Variants in UBE2E1 observed in about 807,000 individuals in gnomAD.
The protein encoded by UBE2E1 is ubiquitin conjugating enzyme E2 E1.
Under a neutral mutation model 21.4 loss-of-function variants are expected in UBE2E1, and 6 were observed. The observed-to-expected ratio is 0.28, with a 90% CI of 0.15 to 0.55. The LOEUF (loss-of-function observed/expected upper bound fraction) is 0.55. UBE2E1 is among the 20% of genes least tolerant of loss of function. The pLI, the probability that UBE2E1 is intolerant of heterozygous loss-of-function variation, is 0.93. For missense variants in UBE2E1, 142 were observed against 236.5 expected (o/e 0.60, Z 2.62); for synonymous variants, 87 against 82.7 (o/e 1.05, Z -0.28).
intron 3 of UBE2E1, chr3:23,879,430 AGTGTGGAAAGAC>A: frequency 2.3e-6 from 1 of 436,774 alleles, no homozygotes; most frequent in Non-Finnish European, 4.6e-6. Flanking sequence ...CCAGGAAAAC[AGTGTGGAAAGAC>A]TGAAATGAAG....
At chr3:23,879,571 C>T (rs4858552) in intron 3 of UBE2E1, 164,789 of 285,906 alleles carry the variant, frequency 0.58, 48,971 homozygotes, top group Non-Finnish European at 0.65. Flanking sequence ...CGTAGGTGAT[C>T]CAGCTATAAG....
chr3:23,824,011 A>G (rs527578950), intron 3 of UBE2E1, among the ~76,000 whole-genome samples: 3 of 152,370 alleles, frequency 2.0e-5, no homozygotes, highest in African/African-American at 7.2e-5. Flanking sequence ...GACCAGTCCT[A>G]AAGTAAATCA....
At chr3:23,857,896 C>T (rs907532112) in intron 3 of UBE2E1, among the ~76,000 whole-genome samples, 1 of 152,202 alleles carries the variant, frequency 6.6e-6, no homozygotes, top group African/African-American at 2.4e-5. Flanking sequence ...GTTGCCCAGG[C>T]TGGAGTGCAG....
intron 3 of UBE2E1, among the ~76,000 whole-genome samples, chr3:23,847,348 A>T (rs1405879599): frequency 6.6e-6 from 1 of 152,192 alleles, no homozygotes; most frequent in African/African-American, 2.4e-5. Flanking sequence ...AGCATTTTCA[A>T]AGAAAAAAGG....
At chr3:23,889,528 CT>C (rs35718655) in intron 5 of UBE2E1, 106 of 1,369,526 alleles carry the variant, frequency 7.7e-5, no homozygotes, top group East Asian at 3.0e-4. Context: ...ATTCTTCCTC[CT>C]TTTTTTTTCC....
rs776563677 is a variant in UBE2E1 at position 23,807,355 on chromosome 3, C to G, written c.86C>G (p.Pro29Arg). The change falls in exon 2 of 6, where the codon CCC (proline) becomes CGC (arginine). Residue 29 changes from proline (P) to arginine (R), a missense_variant. Transcript: ENST00000306627. ...NQQTEKETNT[P>R]KKKESKVSMS... Reference sequence around the variant, plus strand: ...CAAACCGAGAAAGAAACAAACACCCCCAAGAAGAAGGAGAGTAAAGTCAGC... The same window carrying G: ...CAAACCGAGAAAGAAACAAACACCCGCAAGAAGAAGGAGAGTAAAGTCAGC... 52 of 1,613,772 alleles carry G rather than the reference C, an allele frequency of 3.2e-5. 1 individual carries two copies. In the South Asian group the frequency reaches 4.3e-4, roughly 13 times the overall value.
chr3:23,813,898 T>G lies in UBE2E1; in HGVS notation c.203+2388T>G, dbSNP rs541184357. 4.6e-5 allele frequency among the ~76,000 whole-genome samples: 7 copies of G among 152,302 alleles called. No individual in the cohort carries two copies. The East Asian group carries it at 1.3e-3, about 29-fold the overall frequency. Reference sequence around the variant, plus strand: ...AAAATCTATGAATTAAGTGATATATTAAGTGCGTACATGTTTAAAATTACC... The same window carrying G: ...AAAATCTATGAATTAAGTGATATATGAAGTGCGTACATGTTTAAAATTACC... On this transcript the variant is annotated intron_variant, in intron 3 of 5. Transcript: ENST00000306627.
intron 3 of UBE2E1, among the ~76,000 whole-genome samples, chr3:23,843,974 C>T (rs899345334): frequency 6.6e-5 from 10 of 152,254 alleles, no homozygotes; most frequent in South Asian, 2.1e-4. Context: ...ACTGACTTAA[C>T]GATATCTTCT....
Position 23,871,734 on chromosome 3 carries a change from G to A in UBE2E1, c.204-15833G>A, listed in dbSNP as rs538266939. Among the ~76,000 whole-genome samples the A allele has an allele frequency of 5.2e-3, 792 of 151,900 alleles. 6 individuals carry two copies. Among genetic ancestry groups the A allele is most frequent in the African/African-American group, 0.018 (746 of 41,432 alleles). On this transcript the variant is annotated intron_variant, in intron 3 of 5. Transcript: ENST00000306627. Reference sequence around the variant, plus strand: ...TAGAGGTGCTCCTCACATCCCAGACGGGGCGGCGGGGCAAAGGCGCTCCCC... The same window carrying A: ...TAGAGGTGCTCCTCACATCCCAGACAGGGCGGCGGGGCAAAGGCGCTCCCC...
Position 23,889,798 on chromosome 3 carries a change from C to T in UBE2E1, c.484+539C>T, listed in dbSNP as rs1701315853. 4 of 981,380 alleles carry T rather than the reference C, an allele frequency of 4.1e-6. 1 individual carries two copies. The South Asian group carries it at 1.9e-4, about 46-fold the overall frequency. 60.8% of individuals were successfully genotyped at this position (981,380 alleles called of 1,614,324 possible). A position where few individuals can be genotyped will look rare whatever the true frequency, so the allele number is the denominator to read the frequency against. ...ACAGCTACTAGGGTGGCTGAGGTGT[C>T]AGGATTGTTTGAACCCAGAAGGTCA... On this transcript the variant is annotated intron_variant, in intron 5 of 5. Coordinates refer to ENST00000306627, the MANE Select transcript of UBE2E1 (RefSeq NM_003341.5).
At chr3:23,828,063 C>G (rs552381464) in intron 3 of UBE2E1, among the ~76,000 whole-genome samples, 8 of 152,320 alleles carry the variant, frequency 5.3e-5, no homozygotes, top group African/African-American at 1.7e-4. Flanking sequence ...ATACATACCT[C>G]TTTAAAACAT....
At chr3:23,889,454 C>G (rs1477617611) in intron 5 of UBE2E1, 195 bp downstream of exon 5, 16 of 1,420,794 alleles carry the variant, frequency 1.1e-5, no homozygotes, top group Non-Finnish European at 1.5e-5. Context: ...TCAGTATATT[C>G]TAGCAACAAG....
At chr3:23,881,333 TTGTA>T (rs1174137381) in intron 3 of UBE2E1, among the ~76,000 whole-genome samples, 3 of 152,258 alleles carry the variant, frequency 2.0e-5, no homozygotes, top group African/African-American at 7.2e-5. Context: ...TCTTTTTGCC[TTGTA>T]TGTATTTGCT....
chr3:23,806,216 G>C lies in UBE2E1; in HGVS notation c.-34+128G>C, dbSNP rs1042951666. ...GCCGCAGGGCACGGGGCCGGCGCGG[G>C]GGGGGAGCGGAGAGGGGCTGGGGAG... On this transcript the variant is annotated intron_variant, in intron 1 of 5. Coordinates refer to ENST00000306627, the MANE Select transcript of UBE2E1 (RefSeq NM_003341.5). This position sits in a 1 kb window ranked among gnomAD's most constrained non-coding sequence, Gnocchi z 6.5. The C allele has an allele frequency of 1.5e-4, 23 of 148,696 alleles. No homozygotes were observed. Among genetic ancestry groups the C allele is most frequent in the Admixed American group, 5.3e-4 (8 of 15,000 alleles). 9.2% of individuals were successfully genotyped at this position (148,696 alleles called of 1,614,324 possible).
chr3:23,853,341 C>G lies in UBE2E1; in HGVS notation c.204-34226C>G, dbSNP rs1378691425. ...TGAGGGTGGACATGTTTGTCTTGTT[C>G]CTCATCTTAGTCCTCAGAAATCATT... On this transcript the variant is annotated intron_variant, in intron 3 of 5. Transcript: ENST00000306627. This position sits in a 1 kb window ranked among gnomAD's most constrained non-coding sequence, Gnocchi z 4.1. Among the ~76,000 whole-genome samples the G allele has an allele frequency of 6.6e-6, 1 of 152,096 alleles. No individual in the cohort carries two copies. Among genetic ancestry groups the G allele is most frequent in the African/African-American group, 2.4e-5 (1 of 41,396 alleles).
chr3:23,864,089 A>C (rs1265438754), intron 3 of UBE2E1, among the ~76,000 whole-genome samples: 1 of 152,188 alleles, frequency 6.6e-6, no homozygotes, highest in African/African-American at 2.4e-5. Context: ...AGAGACCTCA[A>C]GTATCTGAAA....
chr3:23,837,991 G>C (rs1052387925), intron 3 of UBE2E1, among the ~76,000 whole-genome samples: 8 of 151,314 alleles, frequency 5.3e-5, no homozygotes, highest in Admixed American at 2.0e-4. Context: ...CTTTTCATTG[G>C]TTAGTATCTA....
chr3:23,807,141 C>A, intron 1 of UBE2E1, 96 bp from the exon 2 acceptor site: 4 of 1,041,388 alleles, frequency 3.8e-6, no homozygotes, highest in East Asian at 2.7e-5. Context: ...CGGCCGCGTG[C>A]GCCCCTGGTC....
chr3:23,855,809 G>C (rs890433240), intron 3 of UBE2E1, among the ~76,000 whole-genome samples: 2 of 151,810 alleles, frequency 1.3e-5, no homozygotes, highest in African/African-American at 4.8e-5. Context: ...CAGCCTGGGC[G>C]ACAGAGTAAG....
Sources: gnomAD v4.1 joint callset for allele counts (sites outside exome capture counted in the v4.1 genomes callset) on GRCh38, gnomAD v4.1.1 for gene constraint, Gnocchi (gnomAD v3.1) non-coding constraint, MANE v1.5 for transcripts, NCBI Gene and HGNC (gene_info 2026-07-23, HGNC 2026-07-21) for gene names.